ZFAND6: variants seen among roughly 807,000 people sequenced by gnomAD.
ZFAND6 encodes the protein zinc finger AN1-type containing 6.
In ZFAND6, 12 loss-of-function variants were observed where a neutral mutation model predicts 24.5. The ratio of observed to expected loss-of-function variants is 0.49; its 90% CI spans 0.31 to 0.79. The LOEUF (loss-of-function observed/expected upper bound fraction) is 0.79. ZFAND6 is among the 30% of genes least tolerant of loss of function. The pLI, the probability that ZFAND6 is intolerant of heterozygous loss-of-function variation, is 0.04. For synonymous variants in ZFAND6, 92 were observed against 81.5 expected (o/e 1.13, Z -0.69); for missense variants, 207 against 245.9 (o/e 0.84, Z 1.06).
chr15:80,067,309 C>T (rs1466847308), intron 1 of ZFAND6, among the ~76,000 whole-genome samples: 3 of 152,058 alleles, frequency 2.0e-5, no homozygotes, highest in Non-Finnish European at 4.4e-5. Context: ...TGTTACTTTT[C>T]TTCATTATTT....
rs1209022984 is a variant in ZFAND6, at chr15:80,078,197, A to G, written c.-181+18388A>G. On this transcript the variant is annotated intron_variant, in intron 1 of 6. Coordinates refer to ENST00000261749, the MANE Select transcript of ZFAND6 (RefSeq NM_019006.4). ...CCTGATAGGTGTTAATAGTTTTTCA[A>G]CACTCGCCTCTCCCCAGCCCTTTCC... is the stretch of plus-strand genomic sequence containing the variant. 2.0e-5 allele frequency among the ~76,000 whole-genome samples: 3 copies of G among 152,118 alleles called. No homozygotes were observed. In the East Asian group the frequency reaches 5.8e-4, roughly 29 times the overall value.
intron 1 of ZFAND6, among the ~76,000 whole-genome samples, chr15:80,089,594 G>A (rs571287355): frequency 7.9e-5 from 12 of 152,108 alleles, no homozygotes; most frequent in African/African-American, 2.6e-4. Context: ...TCAACTATAT[G>A]TTGAATTGAA....
intron 5 of ZFAND6, among the ~76,000 whole-genome samples, chr15:80,124,561 G>A (rs1289636960): frequency 1.3e-5 from 2 of 152,212 alleles, no homozygotes; most frequent in African/African-American, 4.8e-5. Context: ...CACATAGGAA[G>A]TGTTTTTATA....
intron 1 of ZFAND6, among the ~76,000 whole-genome samples, chr15:80,070,819 G>A (rs4778580): frequency 0.75 from 114,377 of 151,818 alleles, 43,199 homozygotes; most frequent in Admixed American, 0.83. Flanking sequence ...TTTTCTTCCC[G>A]TAAAACCTTT....
chr15:80,074,601 T>A (rs1168247542), intron 1 of ZFAND6, among the ~76,000 whole-genome samples: 1 of 151,930 alleles, frequency 6.6e-6, no homozygotes, highest in African/African-American at 2.4e-5. Flanking sequence ...CAGATAACTT[T>A]TATGAATAAT....
rs921417090 is a variant in ZFAND6, at chr15:80,131,600, T to C, written c.478+307T>C. 3 of 384,890 alleles carry C rather than the reference T, an allele frequency of 7.8e-6. No homozygotes were observed. In the South Asian group the frequency reaches 2.8e-4, roughly 36 times the overall value. The allele number at this position is 384,890 out of a possible 1,614,324, so 23.8% of individuals were successfully genotyped here. On this transcript the variant is annotated intron_variant, in intron 6 of 6. Transcript: ENST00000261749. Reference sequence around the variant, plus strand: ...TCCTGCTTTTAAGGAGAGAATATTTTGAAGTACTTGGTAAACTGGAAGTAC... The same window carrying C: ...TCCTGCTTTTAAGGAGAGAATATTTCGAAGTACTTGGTAAACTGGAAGTAC...
chr15:80,063,928 T>G (rs1038655625), intron 1 of ZFAND6, among the ~76,000 whole-genome samples: 7 of 152,234 alleles, frequency 4.6e-5, no homozygotes, highest in Non-Finnish European at 4.4e-5. Flanking sequence ...CCTCAAATGA[T>G]CTGCCTGCCT....
chr15:80,080,710 C>T (rs1373691984), intron 1 of ZFAND6, among the ~76,000 whole-genome samples: 1 of 152,182 alleles, frequency 6.6e-6, no homozygotes, highest in African/African-American at 2.4e-5. Context: ...TCAGGCTGTG[C>T]AGGAGACATG....
At chr15:80,061,384 T>C (rs2036325078) in intron 1 of ZFAND6, among the ~76,000 whole-genome samples, 1 of 152,054 alleles carries the variant, frequency 6.6e-6, no homozygotes, top group Non-Finnish European at 1.5e-5. Flanking sequence ...ATATATTTAA[T>C]ACTACCAAAA....
At chr15:80,072,992 T>C (rs922262670) in intron 1 of ZFAND6, among the ~76,000 whole-genome samples, 3 of 152,028 alleles carry the variant, frequency 2.0e-5, no homozygotes, top group African/African-American at 4.8e-5. Flanking sequence ...TCATTTGATA[T>C]GTCATTTTCC....
intron 4 of ZFAND6, 44 bp from the exon 5 acceptor site, chr15:80,122,656 T>C (rs1339701891): frequency 4.0e-6 from 5 of 1,238,778 alleles, no homozygotes; most frequent in Non-Finnish European, 5.9e-6. Flanking sequence ...TTAATATTCA[T>C]GTGTAGAGAT....
At chr15:80,106,424 C>T (rs2039328433) in intron 2 of ZFAND6, among the ~76,000 whole-genome samples, 1 of 152,060 alleles carries the variant, frequency 6.6e-6, no homozygotes, top group African/African-American at 2.4e-5. Context: ...TTCTTTTTTA[C>T]TGTAAAGGCG....
Position 80,132,369 on chromosome 15 carries a change from T to TA in ZFAND6, c.478+1082dup, listed in dbSNP as rs1394819068. Reference sequence around the variant, plus strand: ...CCACAGAATATGCACAAATCTATTATAAAAAATTAAAATTTTATCAAAACT... The same window carrying TA: ...CCACAGAATATGCACAAATCTATTATAAAAAAATTAAAATTTTATCAAAACT... On this transcript the variant is annotated intron_variant, in intron 6 of 6. Coordinates refer to ENST00000261749, the MANE Select transcript of ZFAND6 (RefSeq NM_019006.4). 2.6e-5 allele frequency among the ~76,000 whole-genome samples: 4 copies of TA among 152,308 alleles called. No homozygotes were observed. In the East Asian group the frequency reaches 7.7e-4, roughly 29 times the overall value.
chr15:80,110,940 G>C (rs1294784959), intron 2 of ZFAND6, among the ~76,000 whole-genome samples: 2 of 152,172 alleles, frequency 1.3e-5, no homozygotes, highest in Non-Finnish European at 2.9e-5. Flanking sequence ...TGGGATGGGA[G>C]GGGTCAGGCC....
At chr15:80,104,917 T>C (rs79547669) in intron 2 of ZFAND6, among the ~76,000 whole-genome samples, 1,826 of 152,308 alleles carry the variant, frequency 0.012, 31 homozygotes, top group African/African-American at 0.042. Flanking sequence ...AGAATTCTTT[T>C]CAGAGCAATT....
intron 1 of ZFAND6, among the ~76,000 whole-genome samples, chr15:80,097,564 T>C (rs1256980319): frequency 6.6e-6 from 1 of 151,968 alleles, no homozygotes; most frequent in Non-Finnish European, 1.5e-5. Context: ...CAGGAGAATC[T>C]CTTGAACCTG....
intron 2 of ZFAND6, among the ~76,000 whole-genome samples, chr15:80,114,612 A>G (rs1375928040): frequency 2.0e-5 from 3 of 152,224 alleles, no homozygotes; most frequent in Non-Finnish European, 4.4e-5. Flanking sequence ...TTATTGGAAC[A>G]TGGTGACTTA....
At chr15:80,060,349 C>A (rs1002778599) in intron 1 of ZFAND6, 7 of 152,178 alleles carry the variant, frequency 4.6e-5, no homozygotes, top group Non-Finnish European at 8.8e-5. Flanking sequence ...GGGAATTGGT[C>A]TCTTTTTTTC....
chr15:80,099,895 G>C (rs553312050), intron 2 of ZFAND6, among the ~76,000 whole-genome samples: 13 of 152,292 alleles, frequency 8.5e-5, no homozygotes, highest in Admixed American at 8.5e-4. Context: ...GAGATGACCA[G>C]CGTGAGCCAC....
Sources: gnomAD v4.1 joint callset for allele counts (sites outside exome capture counted in the v4.1 genomes callset) on GRCh38, gnomAD v4.1.1 for gene constraint, MANE v1.5 for transcripts, NCBI Gene and HGNC (gene_info 2026-07-23, HGNC 2026-07-21) for gene names.